MBD5: variants seen among roughly 807,000 people sequenced by gnomAD.
The protein encoded by MBD5 is methyl-CpG-binding domain protein 5.
Under a neutral mutation model 117.3 loss-of-function variants are expected in MBD5, and 13 were observed. That is an observed-to-expected ratio of 0.11 (90% CI 0.07 to 0.18). The LOEUF is 0.18. Ranked by LOEUF, MBD5 falls within the 10% of genes least tolerant of loss-of-function variation. The pLI, the probability that MBD5 is intolerant of heterozygous loss-of-function variation, is 1.00. For missense variants in MBD5, 1,879 were observed against 2,093.8 expected (o/e 0.90, Z 2.00); for synonymous variants, 727 against 766.4 (o/e 0.95, Z 0.85).
intron 4 of MBD5, among the ~76,000 whole-genome samples, chr2:148,410,555 T>A (rs751512839): frequency 6.6e-6 from 1 of 152,112 alleles, no homozygotes; most frequent in South Asian, 2.1e-4. Context: ...TCAGTCCCAC[T>A]GAGTGGCTAG....
chr2:148,250,666 A>G (rs1700443857), intron 3 of MBD5, among the ~76,000 whole-genome samples: 1 of 152,196 alleles, frequency 6.6e-6, no homozygotes, highest in South Asian at 2.1e-4. Context: ...GTAACATTTA[A>G]TGAGTGGCTA....
At chr2:148,478,896 C>T (rs574496534) in intron 8 of MBD5, among the ~76,000 whole-genome samples, 14 of 152,244 alleles carry the variant, frequency 9.2e-5, no homozygotes, top group African/African-American at 2.9e-4. Flanking sequence ...AAAATCTCAG[C>T]GACTGTCCTT....
chr2:148,200,064 T>C (rs1450129632), intron 2 of MBD5, among the ~76,000 whole-genome samples: 1 of 152,184 alleles, frequency 6.6e-6, no homozygotes, highest in Non-Finnish European at 1.5e-5. Context: ...TGAAGTGCAT[T>C]ATTTTGACTA....
At chr2:148,402,804 A>G (rs1704963014) in intron 4 of MBD5, among the ~76,000 whole-genome samples, 1 of 152,040 alleles carries the variant, frequency 6.6e-6, no homozygotes, top group Non-Finnish European at 1.5e-5. Context: ...TTTGATTATC[A>G]CAAATGGCTA....
chr2:148,302,183 G>GA (rs1479717905), intron 3 of MBD5, among the ~76,000 whole-genome samples: 2 of 152,070 alleles, frequency 1.3e-5, no homozygotes, highest in African/African-American at 2.4e-5. Flanking sequence ...TTAATATTTT[G>GA]AAAAAAATCC....
intron 4 of MBD5, among the ~76,000 whole-genome samples, chr2:148,433,167 G>T (rs760736164): frequency 6.6e-6 from 1 of 152,094 alleles, no homozygotes; most frequent in Non-Finnish European, 1.5e-5. Flanking sequence ...CCTCAGCTTT[G>T]ATGTTGTTGG....
In MBD5 at chr2:148,339,998, T is replaced by A. The variant is rs188895128; in HGVS notation, c.-679-2216T>A. Among the ~76,000 whole-genome samples, 486 of 152,220 alleles carry A rather than the reference T, an allele frequency of 3.2e-3. 6 individuals carry two copies. Among genetic ancestry groups the A allele is most frequent in the Non-Finnish European group, 3.6e-3 (242 of 68,002 alleles). On this transcript the variant is annotated intron_variant, in intron 3 of 13. Transcript: ENST00000642680. ...TCCCTTTTTTCTCTGTATCAGTTCT[T>A]CTACTCACCAACATCTCAACACTGA...
At chr2:148,273,545 G>A (rs575267467) in intron 3 of MBD5, among the ~76,000 whole-genome samples, 51 of 151,952 alleles carry the variant, frequency 3.4e-4, no homozygotes, top group African/African-American at 1.2e-3. Context: ...GACTCAGCAC[G>A]TTGTGACACC....
chr2:148,071,270 CTGTATATGTGTGTGTGTGTG>C (rs1462666779), intron 1 of MBD5: 6 of 124,984 alleles, frequency 4.8e-5, no homozygotes, highest in African/African-American at 1.8e-4. Flanking sequence ...TTAGATATAT[CTGTATATGTGTGTGTGTGTG>C]TGTGTGTGTG....
chr2:148,398,568 G>GA (rs879625860), intron 4 of MBD5, among the ~76,000 whole-genome samples: 7,280 of 152,170 alleles, frequency 0.048, 521 homozygotes, highest in African/African-American at 0.17. Flanking sequence ...TGTCAGATGA[G>GA]TAGATTGCAA....
intron 1 of MBD5, among the ~76,000 whole-genome samples, chr2:148,174,190 A>G (rs1332722134): frequency 6.6e-6 from 1 of 152,238 alleles, no homozygotes; most frequent in African/African-American, 2.4e-5. Flanking sequence ...GATGTCAACA[A>G]TAAACAATGG....
At chr2:148,202,967 TGGTGGCA>T (rs1328011016) in intron 2 of MBD5, among the ~76,000 whole-genome samples, 3 of 152,090 alleles carry the variant, frequency 2.0e-5, no homozygotes, top group Non-Finnish European at 4.4e-5. Flanking sequence ...TAGCCAGATG[TGGTGGCA>T]GGCACCTGTA....
chr2:148,498,026 G>A (rs899071171), intron 11 of MBD5, among the ~76,000 whole-genome samples: 2 of 152,170 alleles, frequency 1.3e-5, no homozygotes, highest in Non-Finnish European at 2.9e-5. Context: ...ATCACAGGTA[G>A]TTAAGCCAGG....
chr2:148,345,065 A>C (rs16828565), intron 4 of MBD5, among the ~76,000 whole-genome samples: 2 of 151,704 alleles, frequency 1.3e-5, no homozygotes, highest in Non-Finnish European at 2.9e-5. Context: ...TTATTTAACC[A>C]TGGAATGCAT....
chr2:148,348,751 T>C (rs1703181676), intron 4 of MBD5, among the ~76,000 whole-genome samples: 1 of 151,954 alleles, frequency 6.6e-6, no homozygotes, highest in Admixed American at 6.6e-5. Context: ...ATGGCTCTGT[T>C]GTGGGTTTTT....
chr2:148,102,354 C>G (rs1696237331), intron 1 of MBD5, among the ~76,000 whole-genome samples: 2 of 152,142 alleles, frequency 1.3e-5, no homozygotes, highest in South Asian at 4.1e-4. Flanking sequence ...CTGTTTCTGT[C>G]AGGTGCTTTA....
At chr2:148,459,220 G>T (rs1706983234) in intron 5 of MBD5, among the ~76,000 whole-genome samples, 1 of 152,136 alleles carries the variant, frequency 6.6e-6, no homozygotes, top group South Asian at 2.1e-4. Flanking sequence ...TTCAGAGTGT[G>T]TCAGCTGGCT....
intron 3 of MBD5, among the ~76,000 whole-genome samples, chr2:148,245,157 A>C (rs111309444): frequency 0.13 from 19,138 of 152,242 alleles, 1,454 homozygotes; most frequent in Non-Finnish European, 0.18. Flanking sequence ...AGACCGAGGC[A>C]GGAGGATGGC....
intron 4 of MBD5, among the ~76,000 whole-genome samples, chr2:148,362,110 TG>T (rs2105310169): frequency 6.6e-6 from 1 of 152,126 alleles, no homozygotes; most frequent in Admixed American, 6.5e-5. Context: ...CATACCCCAG[TG>T]GCCCCTGGAA....
Sources: allele counts gnomAD v4.1 joint callset (sites outside exome capture counted in the v4.1 genomes callset), GRCh38; gene constraint gnomAD v4.1.1; transcripts MANE v1.5; gene names NCBI Gene and HGNC (gene_info 2026-07-23, HGNC 2026-07-21).